Variants in SAMSN1 observed in about 807,000 individuals in gnomAD.
The protein encoded by SAMSN1 is SAM domain, SH3 domain and nuclear localization signals 1, also known as SAM domain-containing protein SAMSN-1.
Under a neutral mutation model 42.0 loss-of-function variants are expected in SAMSN1, and 31 were observed. The observed-to-expected ratio is 0.74, with a 90% CI of 0.55 to 1.00. The LOEUF (loss-of-function observed/expected upper bound fraction) is 1.00, where lower values mean the gene tolerates loss of function less well. Among genes scored for constraint, SAMSN1 ranks in the 50% least tolerant of loss-of-function variants. SAMSN1 has a pLI of 0.00. For synonymous variants in SAMSN1, 178 were observed against 151.9 expected (o/e 1.17, Z -1.26); for missense variants, 464 against 439.4 (o/e 1.06, Z -0.50).
chr21:14,569,278 G>A (rs980832719), intron 2 of SAMSN1, among the ~76,000 whole-genome samples: 1 of 152,146 alleles, frequency 6.6e-6, no homozygotes. Context: ...CTGGGCAACA[G>A]AGCAAGACCC....
At chr21:14,551,228 A>G (rs985118506), upstream of SAMSN1, among the ~76,000 whole-genome samples, 2 of 152,236 alleles carry the variant, frequency 1.3e-5, no homozygotes, top group South Asian at 4.1e-4. Flanking sequence ...GCTTATTTTA[A>G]ATTTCCAAAG....
chr21:14,496,360 A>G (rs1986915273), intron 7 of SAMSN1: 1 of 152,140 alleles, frequency 6.6e-6, no homozygotes, highest in South Asian at 2.1e-4. Context: ...TCATCTCCAA[A>G]TTTTTGCCTC....
intron 7 of SAMSN1, among the ~76,000 whole-genome samples, chr21:14,590,552 G>T (rs1186380549): frequency 6.6e-6 from 1 of 151,892 alleles, no homozygotes; most frequent in Non-Finnish European, 1.5e-5. Flanking sequence ...CAAAGTGCTG[G>T]AATTACAGGC....
At chr21:14,489,370 A>G (rs1328100547) in intron 7 of SAMSN1, among the ~76,000 whole-genome samples, 3 of 143,712 alleles carry the variant, frequency 2.1e-5, no homozygotes, top group African/African-American at 8.5e-5. Context: ...CATGTATTCT[A>G]TTATTACAAT....
Position 14,624,966 on chromosome 21 carries a change from G to T in SAMSN1, c.157-8950C>A, listed in dbSNP as rs536054762. ...GCTTTGTCCCTGGGATGCAAGGCTG[G>T]TTCAACATACATGAGTCAATAAACA... On this transcript the variant is annotated intron_variant, in intron 2 of 15. Coordinates refer to the SAMSN1 transcript ENST00000647101. Among the ~76,000 whole-genome samples the T allele has an allele frequency of 3.3e-5, 5 of 152,098 alleles. No individual in the cohort carries two copies. In the South Asian group the frequency reaches 1.0e-3, roughly 32 times the overall value.
At chr21:14,629,338 CACAGTTAATTAAAAGCGG>C (rs1267441000) in intron 2 of SAMSN1, among the ~76,000 whole-genome samples, 1 of 152,150 alleles carries the variant, frequency 6.6e-6, no homozygotes, top group Non-Finnish European at 1.5e-5. Context: ...TTTATGACAG[CACAGTTAATTAAAAGCGG>C]ACACTTCAGG....
intron 2 of SAMSN1, among the ~76,000 whole-genome samples, chr21:14,566,740 G>C (rs1339207462): frequency 6.6e-6 from 1 of 152,072 alleles, no homozygotes; most frequent in Non-Finnish European, 1.5e-5. Context: ...ATTTCACCAT[G>C]TTGGCCAGGC....
intron 2 of SAMSN1, among the ~76,000 whole-genome samples, chr21:14,634,854 A>G (rs1983426141): frequency 6.6e-6 from 1 of 152,242 alleles, no homozygotes; most frequent in African/African-American, 2.4e-5. Context: ...AGGAATATAA[A>G]TCATTCTGTT....
At chr21:14,584,525 C>G (rs947135136), upstream of SAMSN1, among the ~76,000 whole-genome samples, 2 of 152,114 alleles carry the variant, frequency 1.3e-5, no homozygotes, top group Non-Finnish European at 2.9e-5. Context: ...TACTTATTAT[C>G]TTAAGTATAG....
At chr21:14,601,934 T>C (rs1294994745) in intron 6 of SAMSN1, 8 of 453,374 alleles carry the variant, frequency 1.8e-5, no homozygotes, top group African/African-American at 8.0e-5. Context: ...AAAGGCTGTG[T>C]AAGTATTGTA....
chr21:14,621,664 G>A (rs1014316022), intron 2 of SAMSN1, among the ~76,000 whole-genome samples: 2 of 152,158 alleles, frequency 1.3e-5, no homozygotes, highest in Non-Finnish European at 2.9e-5. Context: ...AGCTCAAGGA[G>A]GCCTGCCTGC....
upstream of SAMSN1, among the ~76,000 whole-genome samples, chr21:14,586,279 G>GAA (rs57194288): frequency 1.6e-5 from 2 of 126,352 alleles, no homozygotes; most frequent in African/African-American, 6.2e-5. Flanking sequence ...AAAAAAAAAA[G>GAA]AAAAAGAAAA....
chr21:14,519,109 A>T (rs538938614), intron 2 of SAMSN1, among the ~76,000 whole-genome samples: 1 of 152,248 alleles, frequency 6.6e-6, no homozygotes, highest in East Asian at 1.9e-4. Context: ...CTATTTAAAT[A>T]TTACTTATGG....
At chr21:14,514,785 C>T (rs1987830762) in intron 3 of SAMSN1, among the ~76,000 whole-genome samples, 1 of 151,984 alleles carries the variant, frequency 6.6e-6, no homozygotes, top group Non-Finnish European at 1.5e-5. Context: ...AATATATTAG[C>T]TTTGGATATA....
chr21:14,637,090 T>C (rs1007343847), intron 2 of SAMSN1, among the ~76,000 whole-genome samples: 6 of 152,196 alleles, frequency 3.9e-5, no homozygotes, highest in Admixed American at 6.5e-5. Context: ...TTGTCCAATA[T>C]GGCAGCCATC....
intron 4 of SAMSN1, chr21:14,612,808 G>T: frequency 1.5e-6 from 1 of 678,622 alleles, no homozygotes; most frequent in Non-Finnish European, 2.7e-6. Context: ...TGTGGCAGGA[G>T]CAGGAGAAAA....
chr21:14,498,362 T>C, intron 7 of SAMSN1, 80 bp downstream of exon 7: 5 of 1,227,664 alleles, frequency 4.1e-6, no homozygotes, highest in Non-Finnish European at 5.7e-6. Context: ...TAAATAAAAC[T>C]GGGGCTTTGT....
chr21:14,539,763 T>C (rs1457832528), intron 1 of SAMSN1, among the ~76,000 whole-genome samples: 1 of 152,088 alleles, frequency 6.6e-6, no homozygotes, highest in Non-Finnish European at 1.5e-5. Flanking sequence ...AAGCTACCAA[T>C]GACTTACTCC....
intron 2 of SAMSN1, chr21:14,582,072 G>T: frequency 7.2e-7 from 1 of 1,385,624 alleles, no homozygotes; most frequent in Non-Finnish European, 9.6e-7. Context: ...TTTGCTATCT[G>T]TTTCTTTCCC....
Sources: allele counts gnomAD v4.1 joint callset (sites outside exome capture counted in the v4.1 genomes callset), GRCh38; gene constraint gnomAD v4.1.1; transcripts MANE v1.5; gene names NCBI Gene and HGNC (gene_info 2026-07-23, HGNC 2026-07-21).